The following DYNC1I1 variants were observed in gnomAD, a reference collection of about 807,000 sequenced individuals.
DYNC1I1 encodes the protein dynein cytoplasmic 1 intermediate chain 1.
A neutral mutation model predicts 86.6 loss-of-function variants in DYNC1I1; 43 were observed. The ratio of observed to expected loss-of-function variants is 0.50; its 90% confidence interval spans 0.39 to 0.64. The LOEUF is 0.64. DYNC1I1 is among the 30% of genes least tolerant of loss of function. The pLI is 0.00. For synonymous variants in DYNC1I1, 262 were observed against 283.7 expected (o/e 0.92, Z 0.77); for missense variants, 604 against 788.8 (o/e 0.77, Z 2.81).
intron 10 of DYNC1I1, among the ~76,000 whole-genome samples, chr7:95,997,724 G>T (rs1267754321): frequency 6.6e-6 from 1 of 150,764 alleles, no homozygotes; most frequent in Non-Finnish European, 1.5e-5. Context: ...ATATACTCGT[G>T]ATTTTAAAAA....
Position 95,816,374 on chromosome 7 carries a change from G to T in DYNC1I1, c.314+3037G>T, listed in dbSNP as rs77684809. ...GAGAAAATTTTAAAAAATGGGTAGA[G>T]AGTAGAAATATGTAAGTTTTCAGTT... is the stretch of plus-strand genomic sequence containing the variant. On this transcript the variant is annotated intron_variant, in intron 4 of 16. Coordinates refer to ENST00000447467, the MANE Select transcript of DYNC1I1 (RefSeq NM_001135556.2). 9.2e-5 allele frequency among the ~76,000 whole-genome samples: 14 copies of T among 152,262 alleles called. No homozygotes were observed. The East Asian group carries it at 2.7e-3, about 29-fold the overall frequency.
chr7:95,792,207 A>G (rs1230091075), intron 1 of DYNC1I1, among the ~76,000 whole-genome samples: 1 of 152,180 alleles, frequency 6.6e-6, no homozygotes, highest in Non-Finnish European at 1.5e-5. Flanking sequence ...ACTATGGTAC[A>G]TGTTCCAGCA....
At chr7:95,994,986 G>A (rs1466868274) in intron 9 of DYNC1I1, among the ~76,000 whole-genome samples, 5 of 152,088 alleles carry the variant, frequency 3.3e-5, no homozygotes, top group African/African-American at 7.2e-5. Flanking sequence ...GGTGGCTCAC[G>A]CCTGTAATCC....
intron 10 of DYNC1I1, among the ~76,000 whole-genome samples, chr7:96,022,559 G>T (rs1012781958): frequency 6.6e-6 from 1 of 151,992 alleles, no homozygotes; most frequent in Admixed American, 6.6e-5. Flanking sequence ...GAGAGGAAGG[G>T]AGAGTTTTAG....
chr7:95,989,134 T>C (rs142278613), intron 9 of DYNC1I1, among the ~76,000 whole-genome samples: 2 of 152,272 alleles, frequency 1.3e-5, no homozygotes, highest in African/African-American at 4.8e-5. Flanking sequence ...ACAGAGCTTC[T>C]CAGAAGACTG....
intron 1 of DYNC1I1, among the ~76,000 whole-genome samples, chr7:95,793,775 A>G (rs898499242): frequency 1.3e-5 from 2 of 152,218 alleles, no homozygotes; most frequent in Non-Finnish European, 2.9e-5. Flanking sequence ...ACCAATGTCC[A>G]GGGGCCATCT....
intron 6 of DYNC1I1, among the ~76,000 whole-genome samples, chr7:95,910,971 G>A (rs1257163819): frequency 6.6e-6 from 1 of 152,042 alleles, no homozygotes; most frequent in South Asian, 2.1e-4. Context: ...TAAAGATTTG[G>A]AATTTTTTAA....
At chr7:95,823,319 A>G (rs927564428) in intron 4 of DYNC1I1, among the ~76,000 whole-genome samples, 4 of 152,154 alleles carry the variant, frequency 2.6e-5, no homozygotes, top group Non-Finnish European at 4.4e-5. Context: ...GGATGATGAA[A>G]CTGCAGTCCA....
intron 6 of DYNC1I1, among the ~76,000 whole-genome samples, chr7:95,938,223 G>T (rs931701795): frequency 6.6e-6 from 1 of 152,118 alleles, no homozygotes; most frequent in African/African-American, 2.4e-5. Context: ...ATAACAAATT[G>T]GTTGCATATC....
intron 16 of DYNC1I1, among the ~76,000 whole-genome samples, chr7:96,094,290 T>G (rs76154002): frequency 0.018 from 2,739 of 152,292 alleles, 72 homozygotes; most frequent in African/African-American, 0.062. Flanking sequence ...ATGAGAGCAG[T>G]CTGTTCTGTA....
At chr7:95,777,887 C>G (rs570315655) in intron 1 of DYNC1I1, among the ~76,000 whole-genome samples, 1 of 152,088 alleles carries the variant, frequency 6.6e-6, no homozygotes, top group African/African-American at 2.4e-5. Flanking sequence ...TTTAAAAATT[C>G]TGCAGCTCCA....
intron 5 of DYNC1I1, among the ~76,000 whole-genome samples, chr7:95,837,123 T>C (rs1789118805): frequency 6.7e-6 from 1 of 150,014 alleles, no homozygotes; most frequent in Non-Finnish European, 1.5e-5. Flanking sequence ...TCTTTGATGA[T>C]GGTGATGTAC....
chr7:96,037,518 C>A (rs1212978443), intron 13 of DYNC1I1, among the ~76,000 whole-genome samples: 1 of 152,140 alleles, frequency 6.6e-6, no homozygotes, highest in Non-Finnish European at 1.5e-5. Flanking sequence ...GGAGTCACAG[C>A]TTTATCTATA....
rs182283925 is a variant in DYNC1I1 at position 96,073,763 on chromosome 7, A to G, written c.1510-2294A>G. Among the ~76,000 whole-genome samples, 8 of 152,318 alleles carry G rather than the reference A, an allele frequency of 5.3e-5. No individual in the cohort carries two copies. The East Asian group carries it at 1.5e-3, about 29-fold the overall frequency. On this transcript the variant is annotated intron_variant, in intron 14 of 16. Transcript: ENST00000447467. ...ACAAATAGTGGGCTGGCTAGCTATAAAATCAAGAATTTGCAGTGGGAATAA... is the reference window on the plus strand; with the variant it reads ...ACAAATAGTGGGCTGGCTAGCTATAGAATCAAGAATTTGCAGTGGGAATAA...
chr7:95,821,319 A>G (rs1258038322), intron 4 of DYNC1I1, among the ~76,000 whole-genome samples: 3 of 152,168 alleles, frequency 2.0e-5, no homozygotes, highest in African/African-American at 7.2e-5. Context: ...CAGCTCTCAA[A>G]TATGCATACT....
chr7:95,920,235 C>T (rs1023687828), intron 6 of DYNC1I1, among the ~76,000 whole-genome samples: 1 of 152,294 alleles, frequency 6.6e-6, no homozygotes, highest in African/African-American at 2.4e-5. Flanking sequence ...CACTTTACTT[C>T]TGTAGTCTTC....
intron 6 of DYNC1I1, among the ~76,000 whole-genome samples, chr7:95,913,255 A>T (rs183907335): frequency 2.6e-5 from 4 of 152,130 alleles, no homozygotes; most frequent in Non-Finnish European, 5.9e-5. Context: ...TCATAAACTG[A>T]TCCTTGCTAA....
intron 5 of DYNC1I1, among the ~76,000 whole-genome samples, chr7:95,860,823 T>G (rs2706855): frequency 0.73 from 110,232 of 151,632 alleles, 41,564 homozygotes; most frequent in Non-Finnish European, 0.84. Context: ...AGGCAAAAAA[T>G]TCCTAAGCTA....
At chr7:95,905,982 G>T (rs1049183922) in intron 6 of DYNC1I1, among the ~76,000 whole-genome samples, 1 of 152,142 alleles carries the variant, frequency 6.6e-6, no homozygotes, top group African/African-American at 2.4e-5. Flanking sequence ...TTGGGGACAT[G>T]CTTCTTAGCA....
Sources: allele counts gnomAD v4.1 joint callset (sites outside exome capture counted in the v4.1 genomes callset), GRCh38; gene constraint gnomAD v4.1.1; transcripts MANE v1.5; gene names NCBI Gene and HGNC (gene_info 2026-07-23, HGNC 2026-07-21).